HSPA4L: variants seen among roughly 807,000 people sequenced by gnomAD.
HSPA4L encodes heat shock 70 kDa protein 4L.
Under a neutral mutation model 100.3 loss-of-function variants are expected in HSPA4L, and 48 were observed. That is an observed-to-expected ratio of 0.48 (90% CI 0.38 to 0.61). HSPA4L has a LOEUF of 0.61. Ranked by LOEUF, HSPA4L falls within the 20% of genes least tolerant of loss-of-function variation. HSPA4L has a pLI of 0.00. For missense variants in HSPA4L, 886 were observed against 988.6 expected (o/e 0.90, Z 1.39); for synonymous variants, 319 against 328.2 (o/e 0.97, Z 0.30).
chr4:127,786,834 T>A (rs1343981335), intron 1 of HSPA4L, among the ~76,000 whole-genome samples: 1 of 152,200 alleles, frequency 6.6e-6, no homozygotes, highest in African/African-American at 2.4e-5. Context: ...TCATAAAAAA[T>A]ACATACAAAA....
intron 10 of HSPA4L, among the ~76,000 whole-genome samples, chr4:127,806,731 T>C (rs1733368848): frequency 6.6e-6 from 1 of 152,070 alleles, no homozygotes; most frequent in African/African-American, 2.4e-5. Context: ...TTGACTGCTT[T>C]TCAGAAGTAT....
At chr4:127,783,909 TAC>T (rs1420745724) in intron 1 of HSPA4L, among the ~76,000 whole-genome samples, 1 of 152,260 alleles carries the variant, frequency 6.6e-6, no homozygotes, top group African/African-American at 2.4e-5. Flanking sequence ...TTCGTAGATG[TAC>T]ACGTTTCTTC....
intron 3 of HSPA4L, 101 bp downstream of exon 3, chr4:127,796,009 A>G (rs1186615293): frequency 9.3e-7 from 1 of 1,073,900 alleles, no homozygotes; most frequent in Non-Finnish European, 1.4e-6. Context: ...CTCTAGATAC[A>G]GTACATACAC....
rs761178621 is a variant in HSPA4L at position 127,818,418 on chromosome 4, A to G, written c.1672A>G (p.Lys558Glu). 10 of 1,588,906 alleles carry G rather than the reference A, an allele frequency of 6.3e-6. No homozygotes were observed. The African/African-American group carries it at 1.3e-4, about 21-fold the overall frequency. The change falls in exon 13 of 19, where the codon AAG becomes GAG. Residue 558 changes from lysine to glutamate, a missense_variant and splice_region_variant. Physicochemically the swap from Lys to Glu is moderately conservative, Grantham distance 56. Coordinates refer to ENST00000296464, the MANE Select transcript of HSPA4L (RefSeq NM_014278.4). ...EEIDHTGAKTKSAVSDKQDRL... is the reference protein window; with the variant it reads ...EEIDHTGAKTESAVSDKQDRL... ...AATTGATCATACAGGAGCCAAAACA[A>G]AGGTTTGGTTTACTTTTTCTGTAGT...
chr4:127,811,714 T>C (rs754702251), intron 12 of HSPA4L, 78 bp downstream of exon 12: 46 of 1,023,946 alleles, frequency 4.5e-5, no homozygotes, highest in Non-Finnish European at 6.6e-5. Context: ...GGGACTTTAA[T>C]AGTTGAATAC....
In HSPA4L at chr4:127,794,061, T is replaced by C; in HGVS notation, c.108-16T>C. 6.3e-7 allele frequency: 1 copy of C among 1,575,422 alleles called. No homozygotes were observed. The highest frequency in any genetic ancestry group is 8.6e-7 in the Non-Finnish European group (1 of 1,159,744). On this transcript the variant is annotated splice_polypyrimidine_tract_variant and intron_variant, in intron 1 of 18. Transcript: ENST00000296464. ...TAAAAGTACCATGGAACAAACTTTT[T>C]GTTTTTCTGGTTTAGGGCCTGTATA...
At chr4:127,805,553 C>G (rs1031450335) in intron 9 of HSPA4L, 134 bp from the exon 10 acceptor site, 2 of 604,958 alleles carry the variant, frequency 3.3e-6, no homozygotes, top group African/African-American at 3.7e-5. Context: ...ATTTTCACTT[C>G]TCATTGCCAA....
chr4:127,830,416 A>G lies in HSPA4L; in HGVS notation c.2167-222A>G, dbSNP rs570423770. Among the ~76,000 whole-genome samples, 16 of 152,198 alleles carry G rather than the reference A, an allele frequency of 1.1e-4. No individual in the cohort carries two copies. The South Asian group carries it at 2.9e-3, about 28-fold the overall frequency. On this transcript the variant is annotated intron_variant, in intron 17 of 18. Transcript: ENST00000296464. The stretch of plus-strand genomic sequence containing the variant: ...ATTCCTTAGTAGTCATTCTTTCCCA[A>G]ACCTGATTTCTTCAGAGAGCCTTTC...
At chr4:127,831,491 C>T (rs898258237) in intron 18 of HSPA4L, among the ~76,000 whole-genome samples, 8 of 136,610 alleles carry the variant, frequency 5.9e-5, no homozygotes, top group African/African-American at 2.0e-4. Flanking sequence ...CAGAGCAAGA[C>T]CTTGTCTATT....
chr4:127,781,916 C>A, upstream of HSPA4L: 1 of 385,152 alleles, frequency 2.6e-6, no homozygotes, highest in Non-Finnish European at 5.3e-6. Context: ...ATCCTGCCGC[C>A]GTGACAAGCA....
rs759663828 is a variant in HSPA4L at position 127,794,179 on chromosome 4, T to G, written c.165+45T>G. On this transcript the variant is annotated intron_variant, in intron 2 of 18. Coordinates refer to ENST00000296464, the MANE Select transcript of HSPA4L (RefSeq NM_014278.4). ...GTTTTGACTTACAGGAAGAATTAACTGAATATTGGTAACTAAGTTCCTTAA... is the reference window on the plus strand; with the variant it reads ...GTTTTGACTTACAGGAAGAATTAACGGAATATTGGTAACTAAGTTCCTTAA... The G allele has an allele frequency of 5.5e-6, 8 of 1,455,446 alleles. No homozygotes were observed. In the Admixed American group the frequency reaches 1.4e-4, roughly 25 times the overall value. The allele number at this position is 1,455,446 out of a possible 1,614,324, so 90.2% of individuals were successfully genotyped here.
Position 127,811,574 on chromosome 4 carries a change from G to A in HSPA4L, c.1516G>A (p.Asp506Asn), listed in dbSNP as rs151328982. The A allele has an allele frequency of 1.7e-5, 27 of 1,613,676 alleles. No individual in the cohort carries two copies. The highest frequency in any genetic ancestry group is 2.2e-5 in the East Asian group (1 of 44,864). ...AATTGAGAAGCAAAATTTGGAAGGC[G>A]ATCACAGTGATGCTCCAATGGAGAC... is the stretch of plus-strand genomic sequence containing the variant. Reference protein sequence around the residue: ...SVIEKQNLEGDHSDAPMETET... With the variant: ...SVIEKQNLEGNHSDAPMETET... The change falls in exon 12 of 19, where the codon GAT becomes AAT. Residue 506 changes from aspartate to asparagine, a missense_variant. By Grantham distance (23) the Asp-to-Asn change is conservative. Transcript: ENST00000296464.
At chr4:127,808,181 G>T in intron 11 of HSPA4L, 52 bp downstream of exon 11, 1 of 1,429,454 alleles carries the variant, frequency 7.0e-7, no homozygotes. Context: ...TAAATAATGT[G>T]TTATTTTAGA....
At position 127,836,951 on chromosome 4, in the gene HSPA4L, T is replaced by C. The variant is rs1258128657; in HGVS notation, c.*4077T>C. 1 of 152,204 alleles carries C rather than the reference T, an allele frequency of 6.6e-6. No homozygotes were observed. Among genetic ancestry groups the C allele is most frequent in the African/African-American group, 2.4e-5 (1 of 41,444 alleles). 9.4% of individuals were successfully genotyped at this position (152,204 alleles called of 1,614,324 possible). Reference sequence around the variant, plus strand: ...TTTAAAAGTTTACAAAATTTTTTTTTTTGTTTTGAGACAGAGTATGGCTTT... The same window carrying C: ...TTTAAAAGTTTACAAAATTTTTTTTCTTGTTTTGAGACAGAGTATGGCTTT... On this transcript the variant is annotated 3_prime_UTR_variant, in exon 19 of 19. Coordinates refer to ENST00000296464, the MANE Select transcript of HSPA4L (RefSeq NM_014278.4).
chr4:127,807,968 CTAAG>C, intron 10 of HSPA4L, 24 bp from the exon 11 acceptor site: 1 of 1,597,480 alleles, frequency 6.3e-7, no homozygotes, highest in Non-Finnish European at 8.5e-7. Context: ...CTATTTGTTT[CTAAG>C]TGAGTTCTTT....
In HSPA4L at chr4:127,782,339, G is replaced by A. The variant is rs987492059; in HGVS notation, c.-212G>A. 43 of 551,602 alleles carry A rather than the reference G, an allele frequency of 7.8e-5. No homozygotes were observed. The highest frequency in any genetic ancestry group is 7.0e-4 in the African/African-American group (36 of 51,370). The allele number at this position is 551,602 out of a possible 1,614,324, so 34.2% of individuals were successfully genotyped here. ...CGAACCGCAGTAGGGAAAGACCCAG[G>A]CTGCGGGACGCGGTGCAGGCTGCGG... On this transcript the variant is annotated 5_prime_UTR_variant, in exon 1 of 19. Coordinates refer to ENST00000296464, the MANE Select transcript of HSPA4L (RefSeq NM_014278.4).
At chr4:127,794,178 C>A in intron 2 of HSPA4L, 44 bp downstream of exon 2, 1 of 1,479,812 alleles carries the variant, frequency 6.8e-7, no homozygotes. Flanking sequence ...GAAGAATTAA[C>A]TGAATATTGG....
chr4:127,791,267 A>G (rs1297002948), intron 1 of HSPA4L, among the ~76,000 whole-genome samples: 1 of 152,220 alleles, frequency 6.6e-6, no homozygotes. Context: ...TCTGGAGCAC[A>G]GATGTCCAAC....
chr4:127,794,259 C>CTTTGT (rs761114924), intron 2 of HSPA4L, 125 bp downstream of exon 2: 22 of 583,876 alleles, frequency 3.8e-5, no homozygotes, highest in Admixed American at 6.1e-5. Context: ...GGTACTACAT[C>CTTTGT]TTTGTTTTGT....
Sources: allele counts gnomAD v4.1 joint callset (sites outside exome capture counted in the v4.1 genomes callset), GRCh38; gene constraint gnomAD v4.1.1; transcripts MANE v1.5; gene names NCBI Gene and HGNC (gene_info 2026-07-23, HGNC 2026-07-21).